ATP9A: variants seen among roughly 807,000 people sequenced by gnomAD.
ATP9A encodes the protein probable phospholipid-transporting ATPase IIA.
In ATP9A, 52 loss-of-function variants were observed where a neutral mutation model predicts 144.1. The observed-to-expected ratio is 0.36, with a 90% CI of 0.29 to 0.45. ATP9A has a LOEUF of 0.45. Ranked by LOEUF, ATP9A falls within the 20% of genes least tolerant of loss-of-function variation. The probability of loss-of-function intolerance (pLI) is 1.00; values close to 1 mark genes in which losing one functional copy is unlikely to be tolerated. For missense variants in ATP9A, 947 were observed against 1,392.7 expected (o/e 0.68, Z 5.09); for synonymous variants, 582 against 557.4 (o/e 1.04, Z -0.62).
intron 1 of ATP9A, among the ~76,000 whole-genome samples, chr20:51,737,827 C>T (rs2077768707): frequency 6.6e-6 from 1 of 152,108 alleles, no homozygotes; most frequent in Non-Finnish European, 1.5e-5. Flanking sequence ...CAAAACCAAA[C>T]ACCTCCACGG....
intron 21 of ATP9A, 106 bp from the exon 22 acceptor site, chr20:51,617,660 G>C (rs2077208845): frequency 7.9e-7 from 1 of 1,264,288 alleles, no homozygotes. Context: ...CGCTTGCTGA[G>C]TGCCTGGCCT....
At chr20:51,652,034 T>C (rs941957623) in intron 14 of ATP9A, among the ~76,000 whole-genome samples, 1 of 152,206 alleles carries the variant, frequency 6.6e-6, no homozygotes, top group Admixed American at 6.5e-5. Flanking sequence ...CAGCACCTCC[T>C]GGCTCAAACC....
intron 1 of ATP9A, among the ~76,000 whole-genome samples, chr20:51,742,944 G>C (rs762880174): frequency 1.4e-4 from 22 of 152,222 alleles, no homozygotes; most frequent in South Asian, 1.2e-3. Context: ...ATGTGAGTCA[G>C]TTCCTGCCCA....
At chr20:51,678,445 C>A (rs554598135) in intron 9 of ATP9A, among the ~76,000 whole-genome samples, 3 of 152,300 alleles carry the variant, frequency 2.0e-5, no homozygotes, top group East Asian at 1.9e-4. Flanking sequence ...GGAGGAGGCG[C>A]TGAAGTCCTT....
intron 14 of ATP9A, among the ~76,000 whole-genome samples, chr20:51,645,888 T>C (rs988541228): frequency 3.3e-5 from 5 of 152,208 alleles, no homozygotes; most frequent in African/African-American, 9.6e-5. Context: ...ACACACAAGA[T>C]AGAGGATTTC....
rs145714817 is a variant in ATP9A at position 51,693,709 on chromosome 20, C to A, written c.642+299G>T. On this transcript the variant is annotated intron_variant, in intron 7 of 27. Coordinates refer to ENST00000338821, the MANE Select transcript of ATP9A (RefSeq NM_006045.3). ...CATGCCGCTGAGCCTGGCCTACCTTCGTAGGTTTTGAGCAGAGGAATGGCA... is the reference window on the plus strand; with the variant it reads ...CATGCCGCTGAGCCTGGCCTACCTTAGTAGGTTTTGAGCAGAGGAATGGCA... Among the ~76,000 whole-genome samples the A allele has an allele frequency of 4.9e-3, 747 of 152,210 alleles. 8 individuals are homozygous for A. Among genetic ancestry groups the A allele is most frequent in the Non-Finnish European group, 5.0e-3 (338 of 68,010 alleles).
chr20:51,709,664 T>C (rs1372054023), intron 4 of ATP9A, among the ~76,000 whole-genome samples: 1 of 151,916 alleles, frequency 6.6e-6, no homozygotes, highest in African/African-American at 2.4e-5. Context: ...AAGGCGGAGG[T>C]TGCAGTGAGT....
intron 27 of ATP9A, among the ~76,000 whole-genome samples, chr20:51,603,965 G>C (rs2077153212): frequency 6.6e-6 from 1 of 152,068 alleles, no homozygotes; most frequent in Non-Finnish European, 1.5e-5. Flanking sequence ...ATTTTTAGTA[G>C]AGATGGGGTT....
At chr20:51,682,204 C>A (rs1003345480) in intron 9 of ATP9A, among the ~76,000 whole-genome samples, 3 of 151,996 alleles carry the variant, frequency 2.0e-5, no homozygotes, top group African/African-American at 7.2e-5. Flanking sequence ...TGCAATTTAC[C>A]CGTGTAGCAA....
chr20:51,691,586 C>CAAAACA (rs200269293), intron 7 of ATP9A, among the ~76,000 whole-genome samples: 57 of 152,242 alleles, frequency 3.7e-4, no homozygotes, highest in African/African-American at 1.2e-3. Context: ...TGGCTGCTAT[C>CAAAACA]AAAACAAAAA....
At position 51,596,991 on chromosome 20, in the gene ATP9A, C is replaced by G. The variant is rs925547313; in HGVS notation, c.*4220G>C. ...TGGTGAAAATTTGCAATGAGGATTACAGAGAGAGAGATCAACCAATGAGGA... is the reference window on the plus strand; with the variant it reads ...TGGTGAAAATTTGCAATGAGGATTAGAGAGAGAGAGATCAACCAATGAGGA... On this transcript the variant is annotated 3_prime_UTR_variant, in exon 28 of 28. Coordinates refer to ENST00000338821, the MANE Select transcript of ATP9A (RefSeq NM_006045.3). 22 of 152,266 alleles carry G rather than the reference C, an allele frequency of 1.4e-4. No individual in the cohort carries two copies. Among genetic ancestry groups the G allele is most frequent in the South Asian group, 2.1e-4 (1 of 4,814 alleles). 9.4% of individuals were successfully genotyped at this position (152,266 alleles called of 1,614,324 possible). A position where few individuals can be genotyped will look rare whatever the true frequency, so the allele number is the denominator to read the frequency against.
At chr20:51,740,408 T>C (rs944660172) in intron 1 of ATP9A, among the ~76,000 whole-genome samples, 2 of 147,268 alleles carry the variant, frequency 1.4e-5, no homozygotes, top group African/African-American at 5.0e-5. Flanking sequence ...TCTAAAATCT[T>C]TTAAGATTCC....
intron 3 of ATP9A, among the ~76,000 whole-genome samples, chr20:51,725,411 C>T (rs1054902145): frequency 2.6e-5 from 4 of 152,126 alleles, no homozygotes; most frequent in Non-Finnish European, 5.9e-5. Context: ...CATGAGCCAC[C>T]GTGCCTGGCC....
chr20:51,748,936 T>TAGACAGACAGACAGAC (rs1218193799), intron 1 of ATP9A, among the ~76,000 whole-genome samples: 3 of 128,518 alleles, frequency 2.3e-5, no homozygotes, highest in African/African-American at 9.2e-5. Flanking sequence ...GATAGATAGA[T>TAGACAGACAGACAGAC]AGATAGATAG....
intron 14 of ATP9A, among the ~76,000 whole-genome samples, chr20:51,656,031 G>C (rs2077385456): frequency 6.6e-6 from 1 of 152,058 alleles, no homozygotes; most frequent in African/African-American, 2.4e-5. Context: ...AATCACAAAA[G>C]GCCACCTATT....
At chr20:51,608,696 G>A (rs6021312) in intron 24 of ATP9A, 70 bp from the exon 25 acceptor site, 439,334 of 979,224 alleles carry the variant, frequency 0.45, 100,180 homozygotes, top group African/African-American at 0.57. Context: ...GCCAGCCTCC[G>A]GCACCCAAGT....
chr20:51,730,368 T>A (rs1421177155), intron 1 of ATP9A, among the ~76,000 whole-genome samples: 1 of 152,092 alleles, frequency 6.6e-6, no homozygotes, highest in African/African-American at 2.4e-5. Context: ...CTCAGGAGGC[T>A]GAGGGAGGAT....
At chr20:51,746,220 T>C (rs916771912) in intron 1 of ATP9A, among the ~76,000 whole-genome samples, 6 of 152,198 alleles carry the variant, frequency 3.9e-5, no homozygotes, top group African/African-American at 1.2e-4. Context: ...AAAAGATAAC[T>C]GTTGGGCACT....
intron 26 of ATP9A, among the ~76,000 whole-genome samples, chr20:51,606,011 T>C (rs1329633381): frequency 2.0e-5 from 3 of 152,120 alleles, no homozygotes; most frequent in Admixed American, 2.0e-4. Context: ...GGCTTACGCC[T>C]GTAATCCCAA....
Sources: gnomAD v4.1 joint callset for allele counts (sites outside exome capture counted in the v4.1 genomes callset) on GRCh38, gnomAD v4.1.1 for gene constraint, MANE v1.5 for transcripts, NCBI Gene and HGNC (gene_info 2026-07-23, HGNC 2026-07-21) for gene names.